Variants in NAA16 observed in about 807,000 individuals in gnomAD.
NAA16 encodes NARG1-like protein.
A neutral mutation model predicts 110.3 loss-of-function variants in NAA16; 97 were observed. The observed-to-expected ratio is 0.88, with a 90% CI of 0.75 to 1.04. NAA16 has a LOEUF of 1.04. NAA16 is among the 50% of genes least tolerant of loss of function. The pLI is 0.00. For synonymous variants in NAA16, 372 were observed against 330.6 expected (o/e 1.13, Z -1.36); for missense variants, 1,017 against 1,005.1 (o/e 1.01, Z -0.16).
At chr13:41,323,213 C>T (rs1252657158) in intron 5 of NAA16, 23 bp downstream of exon 5, 1 of 1,610,268 alleles carries the variant, frequency 6.2e-7, no homozygotes, top group African/African-American at 1.3e-5. Flanking sequence ...ATGTTTCCTT[C>T]TACCTTCATA....
chr13:41,336,995 A>G (rs1216672987), intron 9 of NAA16, among the ~76,000 whole-genome samples: 1 of 152,112 alleles, frequency 6.6e-6, no homozygotes, highest in Admixed American at 6.5e-5. Context: ...TTTTTTTAGT[A>G]GGATTTTAAA....
At chr13:41,316,793 G>A in intron 1 of NAA16, 53 bp from the exon 2 acceptor site, 1 of 1,167,904 alleles carries the variant, frequency 8.6e-7, no homozygotes, top group South Asian at 1.2e-5. Flanking sequence ...GTGAGAAGTT[G>A]CTCCATTATG....
At chr13:41,371,162 T>C (rs2043308921) in intron 15 of NAA16, among the ~76,000 whole-genome samples, 1 of 152,164 alleles carries the variant, frequency 6.6e-6, no homozygotes, top group Admixed American at 6.5e-5. Flanking sequence ...GGCAACTTGA[T>C]GGAGATGAGT....
At chr13:41,330,161 C>G (rs933846478) in intron 7 of NAA16, among the ~76,000 whole-genome samples, 21 of 151,846 alleles carry the variant, frequency 1.4e-4, no homozygotes, top group African/African-American at 4.8e-4. Context: ...GTCTCCAAAT[C>G]ATTAACAGAG....
chr13:41,315,533 C>T (rs2041784970), intron 1 of NAA16, among the ~76,000 whole-genome samples: 1 of 152,094 alleles, frequency 6.6e-6, no homozygotes, highest in Non-Finnish European at 1.5e-5. Flanking sequence ...AGTTTTTGAA[C>T]CTCTGGAGTT....
intron 5 of NAA16, among the ~76,000 whole-genome samples, chr13:41,324,649 C>T (rs2042041206): frequency 6.6e-6 from 1 of 151,320 alleles, no homozygotes; most frequent in Admixed American, 6.6e-5. Flanking sequence ...GCTGGGATTA[C>T]AGGTGTGAGC....
rs2043423396 is a variant in NAA16 at position 41,376,127 on chromosome 13, T to G, written c.*525T>G. On this transcript the variant is annotated 3_prime_UTR_variant, in exon 20 of 20. Coordinates refer to ENST00000379406, the MANE Select transcript of NAA16 (RefSeq NM_024561.5). ...CAACATGGTGAAACCCCTTCTCTAC[T>G]GAAAATACAAAAATTAGCCAGACGT... The G allele has an allele frequency of 6.6e-6, 1 of 152,284 alleles. No homozygotes were observed. The highest frequency in any genetic ancestry group is 1.5e-5 in the Non-Finnish European group (1 of 68,188). The allele number at this position is 152,284 out of a possible 1,614,324, so 9.4% of individuals were successfully genotyped here. A position where few individuals can be genotyped will look rare whatever the true frequency, so the allele number is the denominator to read the frequency against.
intron 13 of NAA16, among the ~76,000 whole-genome samples, chr13:41,364,748 T>C (rs1270635229): frequency 3.3e-5 from 5 of 152,226 alleles, no homozygotes; most frequent in Non-Finnish European, 7.3e-5. Context: ...TTATCTTCTA[T>C]TGTATCTTAA....
intron 4 of NAA16, among the ~76,000 whole-genome samples, chr13:41,321,608 T>C (rs2041948023): frequency 6.6e-6 from 1 of 152,216 alleles, no homozygotes; most frequent in African/African-American, 2.4e-5. Flanking sequence ...TTTTAAAAAT[T>C]ATTGGTTAGT....
chr13:41,367,519 C>T lies in NAA16; in HGVS notation c.1620C>T (p.Asp540=), dbSNP rs1425967483. ...MRKMTLRAYV[D]LLRLEDILRR... ...AGATGACCCTTCGTGCCTATGTTGA[C>T]CTTTTGAGATTAGAAGATATACTCA... is the stretch of plus-strand genomic sequence containing the variant. The change falls in exon 14 of 20, where the codon GAC becomes GAT. Residue 540 remains aspartate (D), a synonymous_variant. Transcript: ENST00000379406. 3.1e-6 allele frequency: 5 copies of T among 1,613,012 alleles called. No homozygotes were observed. In the South Asian group the frequency reaches 5.5e-5, roughly 18 times the overall value.
At chr13:41,336,625 T>C in intron 8 of NAA16, 25 bp from the exon 9 acceptor site, 1 of 1,360,776 alleles carries the variant, frequency 7.3e-7, no homozygotes, top group African/African-American at 1.5e-5. Context: ...AACCAAAGAA[T>C]AACAAAGTAC....
At chr13:41,314,103 T>G (rs2041744135) in intron 1 of NAA16, among the ~76,000 whole-genome samples, 2 of 152,184 alleles carry the variant, frequency 1.3e-5, no homozygotes, top group South Asian at 4.1e-4. Context: ...TAACTATGCC[T>G]CAGTTTCTCT....
Position 41,375,483 on chromosome 13 carries a change from G to C in NAA16, c.2476G>C (p.Ala826Pro). The C allele has an allele frequency of 6.2e-7, 1 of 1,613,996 alleles. No homozygotes were observed. The highest frequency in any genetic ancestry group is 8.5e-7 in the Non-Finnish European group (1 of 1,179,898). ...CSSQYEEYRM[A>P]CHNLLPFTSA... ...TTCCCAATATGAAGAATATAGGATG[G>C]CCTGTCATAACCTGCTTCCTTTTAC... The change falls in exon 20 of 20, where the codon GCC (alanine) becomes CCC (proline). Residue 826 changes from alanine to proline, a missense_variant. Physicochemically the swap from Ala to Pro is conservative, Grantham distance 27. Coordinates refer to ENST00000379406, the MANE Select transcript of NAA16 (RefSeq NM_024561.5).
chr13:41,363,534 TATG>T (rs1466701539), intron 13 of NAA16, among the ~76,000 whole-genome samples: 3 of 152,214 alleles, frequency 2.0e-5, no homozygotes, highest in Admixed American at 2.0e-4. Flanking sequence ...ATTTTTAGAA[TATG>T]ATAAGTGGAT....
chr13:41,368,621 T>A (rs991754686), intron 14 of NAA16, among the ~76,000 whole-genome samples: 4 of 152,190 alleles, frequency 2.6e-5, no homozygotes, highest in Admixed American at 1.3e-4. Flanking sequence ...CAGCTGGCCC[T>A]CCATTTTTGT....
At position 41,369,093 on chromosome 13, in the gene NAA16, A is replaced by T; in HGVS notation, c.1757A>T (p.Asn586Ile). 1 of 1,558,776 alleles carries T rather than the reference A, an allele frequency of 6.4e-7. No individual in the cohort carries two copies. The highest frequency in any genetic ancestry group is 2.3e-5 in the East Asian group (1 of 44,036). The change falls in exon 15 of 20, where the codon AAC (asparagine) becomes ATC (isoleucine). Residue 586 changes from asparagine to isoleucine, a missense_variant. By Grantham distance (149) the Asn-to-Ile change is moderately radical. Transcript: ENST00000379406. ...ESKQQEINSE[N>I]LSAKELKKML... is the part of the protein sequence containing the mutation. The stretch of plus-strand genomic sequence containing the variant: ...TTGTTCATTTGGATATTTATAGAAA[A>T]CTTGTCAGCCAAAGAATTGAAGAAA...
In NAA16 at chr13:41,319,397, A is replaced by G. The variant is rs111655922; in HGVS notation, c.244+487A>G. 4.0e-3 allele frequency among the ~76,000 whole-genome samples: 612 copies of G among 152,360 alleles called. 5 individuals carry two copies. The highest frequency in any genetic ancestry group is 0.013 in the African/African-American group (536 of 41,588). On this transcript the variant is annotated intron_variant, in intron 3 of 19. Transcript: ENST00000379406. Reference sequence around the variant, plus strand: ...TTTTAAAACAGATTTTACTTAATATATAAGTATGATATTGGTTCTTGAGCT... The same window carrying G: ...TTTTAAAACAGATTTTACTTAATATGTAAGTATGATATTGGTTCTTGAGCT...
chr13:41,374,293 C>T (rs1210300941), intron 18 of NAA16, among the ~76,000 whole-genome samples: 2 of 151,944 alleles, frequency 1.3e-5, no homozygotes, highest in African/African-American at 4.8e-5. Context: ...CTGTTTTCCC[C>T]GCCCCTACTC....
At chr13:41,365,133 A>G (rs2043184840) in intron 13 of NAA16, among the ~76,000 whole-genome samples, 2 of 152,134 alleles carry the variant, frequency 1.3e-5, no homozygotes, top group South Asian at 4.1e-4. Context: ...TGTTTGGCCA[A>G]AAGGTACAGG....
Sources: allele counts gnomAD v4.1 joint callset (sites outside exome capture counted in the v4.1 genomes callset), GRCh38; gene constraint gnomAD v4.1.1; transcripts MANE v1.5; gene names NCBI Gene and HGNC (gene_info 2026-07-23, HGNC 2026-07-21).